ZNF704: variants seen among roughly 807,000 people sequenced by gnomAD.
ZNF704 encodes the protein zinc finger protein 704, also known as glucocorticoid induced gene 1.
In ZNF704, 10 loss-of-function variants were observed where a neutral mutation model predicts 44.7. That is an observed-to-expected ratio of 0.22 (90% CI 0.14 to 0.38). ZNF704 has a LOEUF of 0.38. Ranked by LOEUF, ZNF704 falls within the 10% of genes least tolerant of loss-of-function variation. ZNF704 has a pLI of 1.00. For synonymous variants in ZNF704, 211 were observed against 207.6 expected, an observed-to-expected ratio of 1.02 and a Z score of -0.14; for missense variants, 390 against 545.5, an observed-to-expected ratio of 0.71 and a Z score of 2.84.
chr8:80,749,945 G>A (rs577113660), intron 2 of ZNF704, among the ~76,000 whole-genome samples: 125 of 152,064 alleles, frequency 8.2e-4, no homozygotes, highest in African/African-American at 2.9e-3. Flanking sequence ...TTCCAGGTGC[G>A]TGAATCTCCC....
At chr8:80,671,130 C>A (rs1818271200) in intron 4 of ZNF704, among the ~76,000 whole-genome samples, 1 of 152,136 alleles carries the variant, frequency 6.6e-6, no homozygotes, top group African/African-American at 2.4e-5. Flanking sequence ...ACAGTATTTT[C>A]TTTTCCTTTT....
At chr8:80,847,853 A>G (rs764589142) in intron 1 of ZNF704, among the ~76,000 whole-genome samples, 10 of 152,264 alleles carry the variant, frequency 6.6e-5, no homozygotes, top group Admixed American at 2.0e-4. Context: ...TACAGCCACT[A>G]TGGAAAGCAC....
intron 2 of ZNF704, among the ~76,000 whole-genome samples, chr8:80,761,584 A>G (rs1354600905): frequency 6.6e-6 from 1 of 152,212 alleles, no homozygotes; most frequent in East Asian, 1.9e-4. Flanking sequence ...AAATAACTTA[A>G]TAAAAATTCC....
intron 7 of ZNF704, 144 bp downstream of exon 7, chr8:80,659,441 G>C: frequency 1.4e-6 from 1 of 700,552 alleles, no homozygotes; most frequent in Non-Finnish European, 2.5e-6. Context: ...ATCTGCTGAT[G>C]AGTTTACAAA....
chr8:80,763,861 A>G (rs957136241), intron 2 of ZNF704, among the ~76,000 whole-genome samples: 2 of 152,182 alleles, frequency 1.3e-5, no homozygotes, highest in Admixed American at 1.3e-4. Context: ...TCTCAAGTTC[A>G]AAGTTACACA....
In ZNF704 at chr8:80,661,139, GA is replaced by G. The variant is rs375464382; in HGVS notation, c.928-1451del. 5.1e-3 allele frequency among the ~76,000 whole-genome samples: 771 copies of G among 152,176 alleles called. 7 individuals carry two copies. The highest frequency in any genetic ancestry group is 0.018 in the African/African-American group (752 of 41,538). ...CCATTAAAAAGTGGGCAAAGGACCT[GA>G]ATAAAAATTTTTCAAAAGCACACAT... is the stretch of plus-strand genomic sequence containing the variant. On this transcript the variant is annotated intron_variant, in intron 6 of 8. Coordinates refer to ENST00000327835, the MANE Select transcript of ZNF704 (RefSeq NM_001033723.3).
intron 7 of ZNF704, among the ~76,000 whole-genome samples, chr8:80,652,024 C>T (rs1487196876): frequency 8.5e-5 from 13 of 152,050 alleles, no homozygotes; most frequent in East Asian, 3.9e-4. Context: ...CACTCAAAAC[C>T]GCTCAACTAC....
chr8:80,697,486 T>G (rs1818744379), intron 2 of ZNF704, among the ~76,000 whole-genome samples: 1 of 152,206 alleles, frequency 6.6e-6, no homozygotes, highest in African/African-American at 2.4e-5. Flanking sequence ...GGATTTCTGC[T>G]GAAGCTGTGT....
At chr8:80,711,468 T>A (rs1217503619) in intron 2 of ZNF704, among the ~76,000 whole-genome samples, 1 of 152,130 alleles carries the variant, frequency 6.6e-6, no homozygotes, top group Admixed American at 6.5e-5. Flanking sequence ...TGCAAAAAAA[T>A]TTTGTATATT....
intron 2 of ZNF704, among the ~76,000 whole-genome samples, chr8:80,757,343 T>A (rs1040014001): frequency 1.3e-5 from 2 of 151,910 alleles, no homozygotes; most frequent in African/African-American, 4.8e-5. Flanking sequence ...ATGTAAAAAA[T>A]TAAAAATTTT....
intron 2 of ZNF704, among the ~76,000 whole-genome samples, chr8:80,742,180 C>T (rs1456956224): frequency 6.6e-6 from 1 of 152,082 alleles, no homozygotes; most frequent in Non-Finnish European, 1.5e-5. Context: ...AACCGCCAAG[C>T]GGATATTGAA....
chr8:80,780,689 G>A (rs1041956169), intron 2 of ZNF704, among the ~76,000 whole-genome samples: 4 of 152,098 alleles, frequency 2.6e-5, no homozygotes, highest in Admixed American at 1.3e-4. Context: ...GGGGCAATGC[G>A]ATCACTGGGG....
chr8:80,810,957 C>A (rs1396596338), intron 2 of ZNF704, among the ~76,000 whole-genome samples: 2 of 152,164 alleles, frequency 1.3e-5, no homozygotes, highest in Non-Finnish European at 2.9e-5. Flanking sequence ...CTATGTTCCA[C>A]CCCTAGCAGT....
Position 80,659,552 on chromosome 8 carries a change from C to T in ZNF704, c.1032+33G>A, listed in dbSNP as rs182530268. ...TAAATTTAGTCTACATTGGCTTTGACCAGATTTTTGGCTTTTTCGTTTTTC... is the reference window on the plus strand; with the variant it reads ...TAAATTTAGTCTACATTGGCTTTGATCAGATTTTTGGCTTTTTCGTTTTTC... On this transcript the variant is annotated intron_variant, in intron 7 of 8. Coordinates refer to ENST00000327835, the MANE Select transcript of ZNF704 (RefSeq NM_001033723.3). 2.2e-4 allele frequency: 358 copies of T among 1,595,338 alleles called. 2 individuals carry two copies. In the African/African-American group the frequency reaches 4.0e-3, roughly 18 times the overall value.
At chr8:80,837,052 G>A (rs1808595587) in intron 1 of ZNF704, among the ~76,000 whole-genome samples, 1 of 151,980 alleles carries the variant, frequency 6.6e-6, no homozygotes, top group Non-Finnish European at 1.5e-5. Context: ...AGTTTCAGGT[G>A]CAGATGCATG....
chr8:80,659,155 A>G (rs1347137939), intron 7 of ZNF704, among the ~76,000 whole-genome samples: 3 of 152,198 alleles, frequency 2.0e-5, no homozygotes, highest in African/African-American at 7.2e-5. Flanking sequence ...TGAAAGAAAA[A>G]ATGATTTTGA....
chr8:80,738,594 C>T (rs1806704699), intron 2 of ZNF704, among the ~76,000 whole-genome samples: 1 of 150,400 alleles, frequency 6.6e-6, no homozygotes, highest in Non-Finnish European at 1.5e-5. Flanking sequence ...CTTTACTGAA[C>T]CTTTTAACCT....
chr8:80,745,808 A>T (rs1795811786), intron 2 of ZNF704, among the ~76,000 whole-genome samples: 1 of 152,200 alleles, frequency 6.6e-6, no homozygotes, highest in Non-Finnish European at 1.5e-5. Context: ...TTGTACTTCA[A>T]AATGAAGTCA....
rs1490402335 is a variant in ZNF704 at position 80,639,255 on chromosome 8, C to A, written c.*2111G>T. 6.6e-6 allele frequency: 1 copy of A among 152,286 alleles called. No individual in the cohort carries two copies. Among genetic ancestry groups the A allele is most frequent in the Non-Finnish European group, 1.5e-5 (1 of 68,066 alleles). The allele number at this position is 152,286 out of a possible 1,614,324, so 9.4% of individuals were successfully genotyped here. A position where few individuals can be genotyped will look rare whatever the true frequency, so the allele number is the denominator to read the frequency against. On this transcript the variant is annotated 3_prime_UTR_variant, in exon 9 of 9. Transcript: ENST00000327835. ...ATGGTGAACTTGTTTAAACAGGTGACAAGCTCTGGCCGCCCAAGGCCACTG... is the reference window on the plus strand; with the variant it reads ...ATGGTGAACTTGTTTAAACAGGTGAAAAGCTCTGGCCGCCCAAGGCCACTG...
Sources: allele counts gnomAD v4.1 joint callset (sites outside exome capture counted in the v4.1 genomes callset), GRCh38; gene constraint gnomAD v4.1.1; transcripts MANE v1.5; gene names NCBI Gene and HGNC (gene_info 2026-07-23, HGNC 2026-07-21).